The following ACO2 variants were observed in gnomAD, a reference collection of about 807,000 sequenced individuals.
ACO2 encodes aconitate hydratase, mitochondrial.
ACO2 carries 31 observed loss-of-function variants against 84.5 expected under a neutral mutation model. The ratio of observed to expected loss-of-function variants is 0.37; its 90% confidence interval spans 0.28 to 0.50. The LOEUF is 0.50. Among genes scored for constraint, ACO2 ranks in the 20% least tolerant of loss-of-function variants. ACO2 has a pLI of 0.97. For missense variants in ACO2, 685 were observed against 1,029.3 expected (o/e 0.67, Z 4.58); for synonymous variants, 414 against 412.7 (o/e 1.00, Z -0.04).
chr22:41,475,555 A>G (rs149832347), intron 1 of ACO2, among the ~76,000 whole-genome samples: 17 of 152,166 alleles, frequency 1.1e-4, no homozygotes, highest in Non-Finnish European at 2.1e-4. Flanking sequence ...GCCTCTCAGC[A>G]TGAAGGAAGG....
intron 1 of ACO2, 94 bp from the exon 2 acceptor site, chr22:41,499,632 A>T: frequency 7.2e-7 from 1 of 1,394,940 alleles, no homozygotes; most frequent in Non-Finnish European, 9.7e-7. Context: ...TTGACACTTT[A>T]ATTCCTGGAT....
intron 9 of ACO2, 82 bp downstream of exon 9, chr22:41,520,358 A>G: frequency 1.9e-6 from 2 of 1,047,390 alleles, no homozygotes; most frequent in Non-Finnish European, 2.8e-6. Context: ...ACCTATGCCT[A>G]CTGTGTGGCA....
chr22:41,501,759 C>G lies in ACO2; in HGVS notation c.173+1897C>G, dbSNP rs141357795. Among the ~76,000 whole-genome samples, 24 of 152,212 alleles carry G rather than the reference C, an allele frequency of 1.6e-4. No homozygotes were observed. In the East Asian group the frequency reaches 4.6e-3, roughly 29 times the overall value. On this transcript the variant is annotated intron_variant, in intron 2 of 17. Transcript: ENST00000216254. ...TACCCTCTAGTACTCTAACCACTAC[C>G]CCATACTCCCTTTCTCATGCCACTT...
intron 1 of ACO2, among the ~76,000 whole-genome samples, chr22:41,495,204 A>T (rs1477142270): frequency 6.6e-6 from 1 of 150,576 alleles, no homozygotes; most frequent in Non-Finnish European, 1.5e-5. Context: ...TTTATGTTTT[A>T]TTTTATTTTG....
At chr22:41,499,279 C>T (rs919679964) in intron 1 of ACO2, among the ~76,000 whole-genome samples, 1 of 152,078 alleles carries the variant, frequency 6.6e-6, no homozygotes, top group Non-Finnish European at 1.5e-5. Context: ...TTGATCTCAA[C>T]CCTCAAGAAG....
At position 41,525,331 on chromosome 22, in the gene ACO2, C is replaced by T. The variant is rs2066571929; in HGVS notation, c.1744C>T (p.Leu582=). The T allele has an allele frequency of 3.7e-6, 6 of 1,614,000 alleles. No individual in the cohort carries two copies. The highest frequency in any genetic ancestry group is 5.1e-6 in the Non-Finnish European group (6 of 1,180,028). ...DKWDGKDLED[L]QILIKVKGKC... is the part of the protein sequence containing the mutation. ...GTGGGATGGCAAGGACCTGGAGGAC[C>T]TGCAGATCCTCATCAAGGTCAGCAG... is the stretch of plus-strand genomic sequence containing the variant. Residue 582 remains leucine, a synonymous_variant, in exon 14 of 18, where the codon CTG becomes TTG. Coordinates refer to ENST00000216254, the MANE Select transcript of ACO2 (RefSeq NM_001098.3).
chr22:41,500,439 C>T (rs1367683349), intron 2 of ACO2, among the ~76,000 whole-genome samples: 1 of 150,638 alleles, frequency 6.6e-6, no homozygotes, highest in East Asian at 1.9e-4. Flanking sequence ...GACTGGATTG[C>T]AGTGGTGCAA....
At chr22:41,526,605 C>T (rs1342996909) in intron 15 of ACO2, 152 bp downstream of exon 15, 1 of 803,314 alleles carries the variant, frequency 1.2e-6, no homozygotes, top group African/African-American at 1.7e-5. Flanking sequence ...GGCCTGCAGC[C>T]CCTCCCTGTG....
At chr22:41,484,150 C>A (rs542492350) in intron 1 of ACO2, among the ~76,000 whole-genome samples, 2 of 151,922 alleles carry the variant, frequency 1.3e-5, no homozygotes, top group African/African-American at 4.8e-5. Context: ...TTTAATAATG[C>A]GTAAAGATGT....
chr22:41,498,369 T>C lies in ACO2; in HGVS notation c.37-1357T>C, dbSNP rs191504084. Among the ~76,000 whole-genome samples, 255 of 152,304 alleles carry C rather than the reference T, an allele frequency of 1.7e-3. 2 individuals carry two copies. Among genetic ancestry groups the C allele is most frequent in the African/African-American group, 5.8e-3 (241 of 41,570 alleles). ...ACCATAACAATCATTTATTTATTGC[T>C]GTGTAACAAATTGCCCCCAAACTTA... On this transcript the variant is annotated intron_variant, in intron 1 of 17. Transcript: ENST00000216254.
chr22:41,507,757 G>C, intron 2 of ACO2, 34 bp from the exon 3 acceptor site: 1 of 1,596,706 alleles, frequency 6.3e-7, no homozygotes. Context: ...CGTGCAGCTA[G>C]CACCAGGCCA....
intron 1 of ACO2, among the ~76,000 whole-genome samples, chr22:41,484,788 C>A (rs556317460): frequency 6.6e-6 from 1 of 151,028 alleles, no homozygotes; most frequent in Non-Finnish European, 1.5e-5. Flanking sequence ...AGATATTATT[C>A]TTTTTTTCCA....
chr22:41,505,722 G>A (rs2066388287), intron 2 of ACO2, among the ~76,000 whole-genome samples: 2 of 152,172 alleles, frequency 1.3e-5, no homozygotes, highest in East Asian at 3.9e-4. Context: ...CTACGATAAC[G>A]CTGGTCTCTA....
At chr22:41,488,232 A>G (rs2066246117) in intron 1 of ACO2, among the ~76,000 whole-genome samples, 1 of 152,148 alleles carries the variant, frequency 6.6e-6, no homozygotes, top group Admixed American at 6.5e-5. Context: ...ACAACTAGGC[A>G]TCCCTCAGGT....
intron 11 of ACO2, 78 bp from the exon 12 acceptor site, chr22:41,523,752 A>T: frequency 7.5e-7 from 1 of 1,334,162 alleles, no homozygotes; most frequent in Non-Finnish European, 1.1e-6. Context: ...GCGCCACAGG[A>T]ACCCAGCTTA....
intron 8 of ACO2, among the ~76,000 whole-genome samples, chr22:41,519,576 C>T (rs868001213): frequency 9.9e-5 from 15 of 151,978 alleles, no homozygotes; most frequent in Non-Finnish European, 1.9e-4. Context: ...GAGGCCGAGG[C>T]GGGCAGATCA....
chr22:41,469,310 T>C lies in ACO2; in HGVS notation c.36+128T>C, dbSNP rs1018330003. The C allele has an allele frequency of 2.0e-5, 23 of 1,174,308 alleles. No homozygotes were observed. In the African/African-American group the frequency reaches 3.5e-4, roughly 18 times the overall value. The allele number at this position is 1,174,308 out of a possible 1,614,324, so 72.7% of individuals were successfully genotyped here. A position where few individuals can be genotyped will look rare whatever the true frequency, so the allele number is the denominator to read the frequency against. ...ACTTCTCGTGTACCTGTCCCGGTTGTGGGCCCGGCACCCGTGCCCGCTTCT... is the reference window on the plus strand; with the variant it reads ...ACTTCTCGTGTACCTGTCCCGGTTGCGGGCCCGGCACCCGTGCCCGCTTCT... On this transcript the variant is annotated intron_variant, in intron 1 of 17. Coordinates refer to ENST00000216254, the MANE Select transcript of ACO2 (RefSeq NM_001098.3).
intron 1 of ACO2, 31 bp from the exon 2 acceptor site, chr22:41,499,695 T>C: frequency 6.2e-7 from 1 of 1,606,798 alleles, no homozygotes. Flanking sequence ...AAGTGCTCCA[T>C]TGACAGTGGC....
chr22:41,509,783 C>T (rs576492618), intron 3 of ACO2, among the ~76,000 whole-genome samples: 32 of 148,586 alleles, frequency 2.2e-4, no homozygotes, highest in Middle Eastern at 3.6e-3. Context: ...CCTCAGAGTC[C>T]TAGAACAGTT....
Sources: gnomAD v4.1 joint callset for allele counts (sites outside exome capture counted in the v4.1 genomes callset) on GRCh38, gnomAD v4.1.1 for gene constraint, MANE v1.5 for transcripts, NCBI Gene and HGNC (gene_info 2026-07-23, HGNC 2026-07-21) for gene names.